The following GRIN2D variants were observed in gnomAD, a reference collection of about 807,000 sequenced individuals.
GRIN2D encodes glutamate ionotropic receptor NMDA type subunit 2D, also known as glutamate receptor ionotropic, NMDA 2D.
A neutral mutation model predicts 103.2 loss-of-function variants in GRIN2D; 37 were observed. The ratio of observed to expected loss-of-function variants is 0.36; its 90% CI spans 0.28 to 0.47. The LOEUF (loss-of-function observed/expected upper bound fraction) is 0.47, where lower values mean the gene tolerates loss of function less well. Ranked by LOEUF, GRIN2D falls within the 20% of genes least tolerant of loss-of-function variation. The probability of loss-of-function intolerance (pLI) is 1.00; values close to 1 mark genes in which losing one functional copy is unlikely to be tolerated. For synonymous variants in GRIN2D, 845 were observed against 885.6 expected, an observed-to-expected ratio of 0.95 and a Z score of 0.81; for missense variants, 1,557 against 1,910.6, an observed-to-expected ratio of 0.81 and a Z score of 3.45.
intron 3 of GRIN2D, among the ~76,000 whole-genome samples, chr19:48,401,230 T>G (rs1209452311): frequency 6.6e-6 from 1 of 151,928 alleles, no homozygotes; most frequent in Non-Finnish European, 1.5e-5. Context: ...CAGGGCTGTT[T>G]TAATTCCTAG....
At chr19:48,401,662 T>C (rs1295434819) in intron 3 of GRIN2D, among the ~76,000 whole-genome samples, 1 of 152,212 alleles carries the variant, frequency 6.6e-6, no homozygotes, top group Non-Finnish European at 1.5e-5. Context: ...ACGCAGGGCC[T>C]TGGGGCCACG....
intron 4 of GRIN2D, among the ~76,000 whole-genome samples, chr19:48,409,269 A>C (rs1157688303): frequency 6.8e-6 from 1 of 147,988 alleles, no homozygotes; most frequent in Non-Finnish European, 1.5e-5. Flanking sequence ...ATGGCAATTA[A>C]ATTTCTTTTT....
At chr19:48,432,952 A>C (rs187684284) in intron 11 of GRIN2D, among the ~76,000 whole-genome samples, 1 of 149,952 alleles carries the variant, frequency 6.7e-6, no homozygotes, top group African/African-American at 2.4e-5. Flanking sequence ...AACCATGCCC[A>C]GCTAATTTTT....
At position 48,443,084 on chromosome 19, in the gene GRIN2D, A is replaced by G; in HGVS notation, c.3158A>G (p.Glu1053Gly). ...PPLCRLAFED[E>G]SPPAPARWPR... ...CTCTGCCGCTTGGCCTTCGAGGACG[A>G]GAGCCCGCCGGCGCCCGCGCGGTGG... Residue 1053 changes from glutamate to glycine, a missense_variant, in exon 14 of 14, where the codon GAG becomes GGG. Around this residue, in one of 7 missense-constraint regions of GRIN2D, gnomAD observed 632 missense variants for 572.8 expected, o/e 1.10. Coordinates refer to ENST00000263269, the MANE Select transcript of GRIN2D (RefSeq NM_000836.4). The surrounding 1 kb of genome is among the most constrained non-coding windows in gnomAD (Gnocchi z 8.9). 9.7e-7 allele frequency: 1 copy of G among 1,027,692 alleles called. No homozygotes were observed. Among genetic ancestry groups the G allele is most frequent in the Non-Finnish European group, 1.2e-6 (1 of 855,686 alleles). The allele number at this position is 1,027,692 out of a possible 1,614,324, so 63.7% of individuals were successfully genotyped here.
At position 48,443,837 on chromosome 19, in the gene GRIN2D, G is replaced by T; in HGVS notation, c.3911G>T (p.Gly1304Val). The change falls in exon 14 of 14, where the codon GGG (glycine) becomes GTG (valine). Residue 1304 changes from glycine (G) to valine (V), a missense_variant. Gly to Val is a moderately radical substitution (Grantham distance 109). This residue lies in a region of GRIN2D where 88 missense variants were observed against 84.3 expected (regional missense o/e 1.04). Coordinates refer to ENST00000263269, the MANE Select transcript of GRIN2D (RefSeq NM_000836.4). The surrounding 1 kb of genome is among the most constrained non-coding windows in gnomAD (Gnocchi z 8.9). The stretch of plus-strand genomic sequence containing the variant: ...AGGTGTCCGCACGCCGCGCACTGGG[G>T]GCCGCCGCTGCCCACAGCTTCCCAC... ...ARRCPHAAHW[G>V]PPLPTASHRR... 6.7e-7 allele frequency: 1 copy of T among 1,485,026 alleles called. No individual in the cohort carries two copies. Among genetic ancestry groups the T allele is most frequent in the Non-Finnish European group, 8.9e-7 (1 of 1,126,010 alleles). 92.0% of individuals were successfully genotyped at this position (1,485,026 alleles called of 1,614,324 possible). A position where few individuals can be genotyped will look rare whatever the true frequency, so the allele number is the denominator to read the frequency against.
intron 3 of GRIN2D, among the ~76,000 whole-genome samples, chr19:48,401,672 G>A (rs1321137342): frequency 3.3e-5 from 5 of 152,352 alleles, no homozygotes; most frequent in South Asian, 4.1e-4. Context: ...TTGGGGCCAC[G>A]GTGAGGACTT....
At chr19:48,401,710 G>A (rs552578185) in intron 3 of GRIN2D, among the ~76,000 whole-genome samples, 79 of 152,328 alleles carry the variant, frequency 5.2e-4, no homozygotes, top group African/African-American at 1.7e-3. Flanking sequence ...TAGAATCACT[G>A]GAAGGTTTTC....
At chr19:48,410,872 A>G (rs1970850103) in intron 4 of GRIN2D, among the ~76,000 whole-genome samples, 1 of 152,064 alleles carries the variant, frequency 6.6e-6, no homozygotes, top group Admixed American at 6.6e-5. Flanking sequence ...GGAGGGAGGA[A>G]GGCGGCTAAG....
chr19:48,416,848 G>A (rs1264184406), intron 8 of GRIN2D, among the ~76,000 whole-genome samples: 1 of 151,234 alleles, frequency 6.6e-6, no homozygotes, highest in African/African-American at 2.4e-5. Context: ...AGGTTTAAGC[G>A]ATTCTCCTGC....
intron 11 of GRIN2D, among the ~76,000 whole-genome samples, chr19:48,438,219 A>T (rs912922695): frequency 3.3e-5 from 5 of 150,214 alleles, no homozygotes; most frequent in African/African-American, 1.2e-4. Flanking sequence ...CTAACTACTC[A>T]AGACTAGAGG....
intron 11 of GRIN2D, among the ~76,000 whole-genome samples, chr19:48,425,276 C>G (rs1296226960): frequency 5.3e-5 from 8 of 152,164 alleles, no homozygotes; most frequent in Admixed American, 2.0e-4. Context: ...GAGTCTCGCT[C>G]TGTTGCCCAG....
At position 48,443,448 on chromosome 19, in the gene GRIN2D, T is replaced by C; in HGVS notation, c.3522T>C (p.Gly1174=). 1 of 1,382,784 alleles carries C rather than the reference T, an allele frequency of 7.2e-7. No homozygotes were observed. Among genetic ancestry groups the C allele is most frequent in the Non-Finnish European group, 9.3e-7 (1 of 1,072,978 alleles). The allele number at this position is 1,382,784 out of a possible 1,614,324, so 85.7% of individuals were successfully genotyped here. The change falls in exon 14 of 14, where the codon GGT becomes GGC. Residue 1174 remains glycine (G), a synonymous_variant. Transcript: ENST00000263269. This position sits in a 1 kb window ranked among gnomAD's most constrained non-coding sequence, Gnocchi z 8.9. The part of the protein sequence containing the change: ...GSWDYLPPRS[G]PAAWHCRHCA... ...GGGACTACCTGCCCCCGCGCAGCGG[T>C]CCGGCCGCCTGGCACTGTCGGCACT...
chr19:48,427,102 T>C (rs113347016), intron 11 of GRIN2D, among the ~76,000 whole-genome samples: 18,939 of 151,710 alleles, frequency 0.12, 2,078 homozygotes, highest in African/African-American at 0.3. Flanking sequence ...GGCAGGTCAC[T>C]TGAAGTCAGG....
Position 48,419,654 on chromosome 19 carries a change from C to T in GRIN2D, c.1931C>T (p.Ser644Leu). 1 of 1,613,526 alleles carries T rather than the reference C, an allele frequency of 6.2e-7. No individual in the cohort carries two copies. Among genetic ancestry groups the T allele is most frequent in the Non-Finnish European group, 8.5e-7 (1 of 1,179,892 alleles). The change falls in exon 10 of 14, where the codon TCG becomes TTG. Residue 644 changes from serine (S) to leucine (L), a missense_variant. By Grantham distance (145) the Ser-to-Leu change is moderately radical (BLOSUM62 -2). Coordinates refer to ENST00000263269, the MANE Select transcript of GRIN2D (RefSeq NM_000836.4). ...WLLWALVFNN[S>L]VPVENPRGTT... is the part of the protein sequence containing the mutation. The stretch of plus-strand genomic sequence containing the variant: ...CTCTGGGCCCTGGTGTTCAATAATT[C>T]GGTGCCCGTGGAGAACCCCCGGGGA...
intron 10 of GRIN2D, among the ~76,000 whole-genome samples, chr19:48,420,708 C>T (rs1415504154): frequency 6.6e-6 from 1 of 151,956 alleles, no homozygotes; most frequent in Non-Finnish European, 1.5e-5. Context: ...TGCCTGTAGT[C>T]CCAGCTACTT....
chr19:48,415,124 A>C, intron 7 of GRIN2D, 92 bp downstream of exon 7: 1 of 1,210,166 alleles, frequency 8.3e-7, no homozygotes. Context: ...TAATCCCAGC[A>C]CTTTGGGAAG....
intron 11 of GRIN2D, among the ~76,000 whole-genome samples, chr19:48,433,819 C>T (rs1258141819): frequency 6.6e-6 from 1 of 152,178 alleles, no homozygotes; most frequent in Non-Finnish European, 1.5e-5. Flanking sequence ...TCTCATCTTG[C>T]CTTTTTCCAC....
At chr19:48,412,446 AAAG>A (rs1344013212) in intron 4 of GRIN2D, among the ~76,000 whole-genome samples, 1 of 150,244 alleles carries the variant, frequency 6.7e-6, no homozygotes, top group South Asian at 2.1e-4. Context: ...AGAAAGAAAG[AAAG>A]AAAGAAAGAA....
At chr19:48,415,896 A>C in intron 7 of GRIN2D, 106 bp from the exon 8 acceptor site, 3 of 981,008 alleles carry the variant, frequency 3.1e-6, no homozygotes, top group African/African-American at 3.2e-5. Context: ...CCCTTCCCTC[A>C]CCCTGTCACT....
Sources: allele counts gnomAD v4.1 joint callset (sites outside exome capture counted in the v4.1 genomes callset), GRCh38; gene constraint gnomAD v4.1.1; regional missense constraint gnomAD v4.1.1; non-coding constraint Gnocchi (gnomAD v3.1); transcripts MANE v1.5; gene names NCBI Gene and HGNC (gene_info 2026-07-23, HGNC 2026-07-21).